IFI16: variants seen among roughly 807,000 people sequenced by gnomAD.
IFI16 encodes the protein interferon gamma inducible protein 16.
A neutral mutation model predicts 68.4 loss-of-function variants in IFI16; 49 were observed. The ratio of observed to expected loss-of-function variants is 0.72; its 90% CI spans 0.57 to 0.91. IFI16 has a LOEUF of 0.91. Among genes scored for constraint, IFI16 ranks in the 40% least tolerant of loss-of-function variants. The pLI, the probability that IFI16 is intolerant of heterozygous loss-of-function variation, is 0.00. For missense variants in IFI16, 878 were observed against 942.9 expected (o/e 0.93, Z 0.90); for synonymous variants, 307 against 315.0 (o/e 0.97, Z 0.27).
upstream of IFI16, among the ~76,000 whole-genome samples, chr1:159,002,132 A>G (rs1050428135): frequency 2.6e-5 from 4 of 152,224 alleles, no homozygotes; most frequent in Non-Finnish European, 5.9e-5. Flanking sequence ...GCTGGCATTT[A>G]TTATAGTCTC....
rs202135473 is a variant in IFI16 at position 159,016,011 on chromosome 1, G to C, written c.381+24G>C. 9.3e-5 allele frequency: 139 copies of C among 1,491,012 alleles called. 2 individuals are homozygous for C. Among genetic ancestry groups the C allele is most frequent in the Admixed American group, 1.7e-5 (1 of 59,104 alleles). 92.4% of individuals were successfully genotyped at this position (1,491,012 alleles called of 1,614,324 possible). A position where few individuals can be genotyped will look rare whatever the true frequency, so the allele number is the denominator to read the frequency against. On this transcript the variant is annotated intron_variant, in intron 3 of 11. Coordinates refer to ENST00000295809, the MANE Select transcript of IFI16 (RefSeq NM_001376587.1). ...AGGTAAGCTTCAGGAAGAGGAGCAG[G>C]CTTCAAGTCCCACAGAGGAAGCTCT...
At position 159,052,160 on chromosome 1, in the gene IFI16, C is replaced by G. The variant is rs977391274; in HGVS notation, c.2085+62C>G. Reference sequence around the variant, plus strand: ...CAACCTCCAATTTTTAAAGTCTTAACTTGTCAACTGGAGTTTGGTCAACTT... The same window carrying G: ...CAACCTCCAATTTTTAAAGTCTTAAGTTGTCAACTGGAGTTTGGTCAACTT... On this transcript the variant is annotated intron_variant, in intron 10 of 11. Transcript: ENST00000295809. 68 of 1,365,192 alleles carry G rather than the reference C, an allele frequency of 5.0e-5. No homozygotes were observed. In the African/African-American group the frequency reaches 9.7e-4, roughly 19 times the overall value. The allele number at this position is 1,365,192 out of a possible 1,614,324, so 84.6% of individuals were successfully genotyped here. A position where few individuals can be genotyped will look rare whatever the true frequency, so the allele number is the denominator to read the frequency against.
chr1:159,046,459 C>T (rs1430285111), intron 8 of IFI16, among the ~76,000 whole-genome samples: 1 of 151,292 alleles, frequency 6.6e-6, no homozygotes, highest in Non-Finnish European at 1.5e-5. Flanking sequence ...TATCTTCTAC[C>T]ATGTCTCCCT....
chr1:159,023,074 T>C (rs1653436050), intron 6 of IFI16, among the ~76,000 whole-genome samples: 2 of 152,178 alleles, frequency 1.3e-5, no homozygotes, highest in South Asian at 4.1e-4. Flanking sequence ...CAAGAATAAG[T>C]ACACCAATAA....
At chr1:159,046,334 G>T (rs1654983765) in intron 8 of IFI16, among the ~76,000 whole-genome samples, 1 of 151,070 alleles carries the variant, frequency 6.6e-6, no homozygotes, top group African/African-American at 2.4e-5. Flanking sequence ...TAACTTCATT[G>T]GGAACGGGTT....
chr1:159,016,995 C>G (rs1223506137), intron 4 of IFI16, among the ~76,000 whole-genome samples: 2 of 152,204 alleles, frequency 1.3e-5, no homozygotes, highest in Non-Finnish European at 2.9e-5. Flanking sequence ...CTTCATACCT[C>G]TTCCCTTGGT....
intron 1 of IFI16, among the ~76,000 whole-genome samples, 185 bp from the exon 2 acceptor site, chr1:159,014,476 T>C (rs978303799): frequency 4.0e-5 from 6 of 151,802 alleles, no homozygotes; most frequent in Non-Finnish European, 5.9e-5. Flanking sequence ...AATAATTTCT[T>C]AGACATTCCT....
chr1:159,036,987 T>G (rs936223273), intron 7 of IFI16, among the ~76,000 whole-genome samples: 2 of 152,096 alleles, frequency 1.3e-5, no homozygotes, highest in African/African-American at 4.8e-5. Context: ...TTTCTAAGAG[T>G]TTTATATGTC....
chr1:159,035,642 C>CT (rs869114582), intron 7 of IFI16, among the ~76,000 whole-genome samples: 5 of 134 alleles, frequency 0.037, no homozygotes, highest in African/African-American at 0.058. Context: ...CCTAGTGACT[C>CT]GCAGGTGAGT....
chr1:159,046,936 C>T (rs1655024546), intron 8 of IFI16, among the ~76,000 whole-genome samples: 1 of 151,328 alleles, frequency 6.6e-6, no homozygotes, highest in Non-Finnish European at 1.5e-5. Flanking sequence ...GAGAAGATAA[C>T]ACAGAGGTGG....
chr1:159,027,564 C>A (rs1571858690), intron 6 of IFI16, among the ~76,000 whole-genome samples: 1 of 151,960 alleles, frequency 6.6e-6, no homozygotes, highest in Middle Eastern at 3.4e-3. Context: ...AGGGAGGATT[C>A]TCTCTTTCTC....
In IFI16 at chr1:159,022,255, T is replaced by C. The variant is rs557875156; in HGVS notation, c.1161+1726T>C. Among the ~76,000 whole-genome samples the C allele has an allele frequency of 3.3e-5, 5 of 152,314 alleles. No homozygotes were observed. In the South Asian group the frequency reaches 8.3e-4, roughly 25 times the overall value. ...CTGGGATTACAGGCGTGAGCCACCG[T>C]GCCCGGCCCTTAGCCCACTTTTTGA... is the stretch of plus-strand genomic sequence containing the variant. On this transcript the variant is annotated intron_variant, in intron 6 of 11. Transcript: ENST00000295809.
chr1:159,033,459 T>C (rs376918224), intron 7 of IFI16, among the ~76,000 whole-genome samples: 1 of 152,364 alleles, frequency 6.6e-6, no homozygotes, highest in East Asian at 1.9e-4. Context: ...ACAATAATTA[T>C]ATTTCCACTT....
intron 2 of IFI16, chr1:159,015,639 G>T: frequency 2.1e-6 from 1 of 473,468 alleles, no homozygotes; most frequent in Non-Finnish European, 3.8e-6. Context: ...AGTGCACAGG[G>T]GAGGAGTGAG....
In IFI16 at chr1:159,053,555, C is replaced by T; in HGVS notation, c.2108C>T (p.Thr703Ile). The T allele has an allele frequency of 1.2e-6, 2 of 1,607,478 alleles. No homozygotes were observed. The highest frequency in any genetic ancestry group is 1.7e-6 in the Non-Finnish European group (2 of 1,175,688). ...CAGAAAAATGTAAGGGGTGAATTCA[C>T]TTATTATGAAATACAAGATAATACA... The part of the protein sequence containing the change: ...VHKKNVRGEF[T>I]YYEIQDNTGK... The change falls in exon 11 of 12, where the codon ACT (threonine) becomes ATT (isoleucine). Residue 703 changes from threonine to isoleucine, a missense_variant. Around this residue, in one of 4 missense-constraint regions of IFI16, gnomAD observed 311 missense variants for 305.1 expected, o/e 1.02. Coordinates refer to ENST00000295809, the MANE Select transcript of IFI16 (RefSeq NM_001376587.1).
chr1:159,039,162 A>G (rs1283816339), intron 7 of IFI16, among the ~76,000 whole-genome samples: 7 of 152,318 alleles, frequency 4.6e-5, no homozygotes, highest in East Asian at 1.9e-4. Context: ...TCACACACCA[A>G]TAAAATTTCA....
chr1:159,006,341 A>ATGGT (rs1652257678), upstream of IFI16, among the ~76,000 whole-genome samples: 1 of 152,186 alleles, frequency 6.6e-6, no homozygotes, highest in Non-Finnish European at 1.5e-5. Flanking sequence ...TAAAAGACAA[A>ATGGT]TGGTTACAAG....
At position 159,043,708 on chromosome 1, in the gene IFI16, C is replaced by G. The variant is rs1384960279; in HGVS notation, c.1330-1589C>G. On this transcript the variant is annotated intron_variant, in intron 7 of 11. Transcript: ENST00000295809. ...TACGTATCCTGAAGTGAACAGTACACAAGGGCATAATTCATGAACAGGGTA... is the reference window on the plus strand; with the variant it reads ...TACGTATCCTGAAGTGAACAGTACAGAAGGGCATAATTCATGAACAGGGTA... Among the ~76,000 whole-genome samples, 11 of 152,184 alleles carry G rather than the reference C, an allele frequency of 7.2e-5. No individual in the cohort carries two copies. In the East Asian group the frequency reaches 2.1e-3, roughly 29 times the overall value.
upstream of IFI16, among the ~76,000 whole-genome samples, chr1:159,003,649 GTATTAT>G (rs60416021): frequency 2.7e-5 from 4 of 149,198 alleles, no homozygotes; most frequent in South Asian, 2.1e-4. Flanking sequence ...CCATAATTCT[GTATTAT>G]TATTATTATT....
Sources: gnomAD v4.1 joint callset for allele counts (sites outside exome capture counted in the v4.1 genomes callset) on GRCh38, gnomAD v4.1.1 for gene constraint, gnomAD v4.1.1 regional missense constraint, MANE v1.5 for transcripts, NCBI Gene and HGNC (gene_info 2026-07-23, HGNC 2026-07-21) for gene names.